The following PPFIA2 variants were observed in gnomAD, a reference collection of about 807,000 sequenced individuals.
The protein encoded by PPFIA2 is liprin-alpha-2.
Under a neutral mutation model 175.5 loss-of-function variants are expected in PPFIA2, and 46 were observed. The observed-to-expected ratio is 0.26, with a 90% CI of 0.21 to 0.34. The LOEUF is 0.34. Among genes scored for constraint, PPFIA2 ranks in the 10% least tolerant of loss-of-function variants. The probability of loss-of-function intolerance (pLI) is 1.00; values close to 1 mark genes in which losing one functional copy is unlikely to be tolerated. For synonymous variants in PPFIA2, 568 were observed against 511.4 expected (o/e 1.11, Z -1.49); for missense variants, 1,179 against 1,506.1 (o/e 0.78, Z 3.60).
Position 81,754,094 on chromosome 12 carries a change from T to G in PPFIA2, c.128A>C (p.Asp43Ala), listed in dbSNP as rs1356532037. The G allele has an allele frequency of 1.9e-6, 3 of 1,613,708 alleles. No homozygotes were observed. Among genetic ancestry groups the G allele is most frequent in the Non-Finnish European group, 2.5e-6 (3 of 1,179,864 alleles). ...CTCCCGAAGGGTGTCTAGAAGACGATCCCTTTCATCTAGCATATTCACCAT... is the reference window on the plus strand; with the variant it reads ...CTCCCGAAGGGTGTCTAGAAGACGAGCCCTTTCATCTAGCATATTCACCAT... ...QLMVNMLDER[D>A]RLLDTLRETQ... is the part of the protein sequence containing the mutation. The change falls in exon 3 of 33, where the codon GAT becomes GCT. Residue 43 changes from aspartate (D) to alanine (A), a missense_variant. Asp to Ala is a moderately radical substitution (Grantham distance 126). Transcript: ENST00000549396.
intron 4 of PPFIA2, among the ~76,000 whole-genome samples, chr12:81,583,669 C>T (rs540074161): frequency 8.6e-5 from 13 of 151,996 alleles, no homozygotes; most frequent in Non-Finnish European, 1.8e-4. Flanking sequence ...ATTACCATCA[C>T]CAATGGGTTG....
At chr12:81,335,352 C>T (rs542803156) in intron 21 of PPFIA2, among the ~76,000 whole-genome samples, 1 of 152,128 alleles carries the variant, frequency 6.6e-6, no homozygotes, top group Non-Finnish European at 1.5e-5. Context: ...AATCTATGTT[C>T]CAGGAAGTCA....
chr12:81,743,471 T>C (rs1282286976), intron 3 of PPFIA2, among the ~76,000 whole-genome samples: 2 of 60,688 alleles, frequency 3.3e-5, no homozygotes, highest in African/African-American at 6.1e-5. Context: ...GAAAGATAAA[T>C]GGTGGGGTGG....
chr12:81,470,097 A>G (rs2056461795), intron 4 of PPFIA2, among the ~76,000 whole-genome samples: 2 of 152,240 alleles, frequency 1.3e-5, no homozygotes, highest in Admixed American at 1.3e-4. Context: ...TTAATATACC[A>G]TAAAGTTAAG....
chr12:81,658,854 A>T (rs1480573120), intron 4 of PPFIA2, among the ~76,000 whole-genome samples: 3 of 152,198 alleles, frequency 2.0e-5, no homozygotes, highest in African/African-American at 7.2e-5. Context: ...TTCTATGGTT[A>T]AAATGATATT....
chr12:81,707,593 C>A lies in PPFIA2; in HGVS notation c.250-30749G>T, dbSNP rs2077351745. 3.3e-5 allele frequency among the ~76,000 whole-genome samples: 5 copies of A among 149,594 alleles called. No individual in the cohort carries two copies. The South Asian group carries it at 1.1e-3, about 33-fold the overall frequency. On this transcript the variant is annotated intron_variant, in intron 3 of 32. Coordinates refer to ENST00000549396, the MANE Select transcript of PPFIA2 (RefSeq NM_003625.5). Reference sequence around the variant, plus strand: ...TTGGTGGGACTGTAAACTAGTTCAACCATTGTGGAAGTCAGTGTGGCGATT... The same window carrying A: ...TTGGTGGGACTGTAAACTAGTTCAAACATTGTGGAAGTCAGTGTGGCGATT...
intron 8 of PPFIA2, among the ~76,000 whole-genome samples, chr12:81,386,772 A>T (rs978881686): frequency 3.3e-5 from 5 of 152,138 alleles, no homozygotes; most frequent in African/African-American, 1.2e-4. Context: ...AAAAGTATGG[A>T]GAGAAAATAC....
At chr12:81,704,273 TCATCCAAAAA>T in intron 3 of PPFIA2, among the ~76,000 whole-genome samples, 1 of 152,266 alleles carries the variant, frequency 6.6e-6, no homozygotes, top group East Asian at 1.9e-4. Flanking sequence ...AACATAATTG[TCATCCAAAAA>T]TATTATAGCT....
At chr12:81,333,119 C>T (rs1256086352) in intron 21 of PPFIA2, among the ~76,000 whole-genome samples, 1 of 152,150 alleles carries the variant, frequency 6.6e-6, no homozygotes, top group Non-Finnish European at 1.5e-5. Context: ...ACAGCTCTTC[C>T]TAGTATTTGC....
chr12:81,752,349 G>C (rs2153665189), intron 3 of PPFIA2, among the ~76,000 whole-genome samples: 1 of 152,264 alleles, frequency 6.6e-6, no homozygotes, highest in African/African-American at 2.4e-5. Context: ...TCCTCCAAGA[G>C]AGTAAGCAGG....
chr12:81,705,820 C>A (rs1325178244), intron 3 of PPFIA2, among the ~76,000 whole-genome samples: 1 of 152,090 alleles, frequency 6.6e-6, no homozygotes. Flanking sequence ...AATAGGTTCT[C>A]TTTTGTAGAA....
intron 3 of PPFIA2, among the ~76,000 whole-genome samples, chr12:81,684,954 A>G (rs546455527): frequency 2.6e-5 from 4 of 152,216 alleles, no homozygotes; most frequent in Admixed American, 6.6e-5. Context: ...AATGCTTCCA[A>G]TTAAAGGTCT....
At position 81,658,290 on chromosome 12, in the gene PPFIA2, GAAAAGA is replaced by G. The variant is rs1273494817; in HGVS notation, c.303+18495_303+18500del. Among the ~76,000 whole-genome samples, 302 of 51,758 alleles carry G rather than the reference GAAAAGA, an allele frequency of 5.8e-3. 2 individuals carry two copies. Among genetic ancestry groups the G allele is most frequent in the Middle Eastern group, 0.021 (2 of 94 alleles). 34.0% of individuals were successfully genotyped at this position (51,758 alleles called of 152,430 possible). A position where few individuals can be genotyped will look rare whatever the true frequency, so the allele number is the denominator to read the frequency against. ...TCTCAAAAAAAAAAAAAAAAGAAAAGAAAAGAAAAAAAAAAATGATTGCTAACCAAT... is the reference window on the plus strand; with the variant it reads ...TCTCAAAAAAAAAAAAAAAAGAAAAGAAAAAAAAAATGATTGCTAACCAAT... On this transcript the variant is annotated intron_variant, in intron 4 of 32. Transcript: ENST00000549396.
At chr12:81,275,567 C>A (rs1323688995) in intron 28 of PPFIA2, among the ~76,000 whole-genome samples, 1 of 152,056 alleles carries the variant, frequency 6.6e-6, no homozygotes, top group South Asian at 2.1e-4. Context: ...ACTTTCTTAT[C>A]TAAATTAAGC....
intron 5 of PPFIA2, among the ~76,000 whole-genome samples, chr12:81,449,456 A>G (rs759777621): frequency 2.0e-5 from 3 of 150,974 alleles, no homozygotes; most frequent in Non-Finnish European, 4.4e-5. Flanking sequence ...TTTTGCTTAC[A>G]GTCATGTTAT....
chr12:81,466,924 G>A (rs2055762136), intron 4 of PPFIA2, among the ~76,000 whole-genome samples: 1 of 146,802 alleles, frequency 6.8e-6, no homozygotes, highest in Non-Finnish European at 1.5e-5. Flanking sequence ...AATATTAAAT[G>A]TAATAAATAA....
rs189574215 is a variant in PPFIA2 at position 81,641,218 on chromosome 12, T to C, written c.303+35573A>G. 7.6e-4 allele frequency among the ~76,000 whole-genome samples: 115 copies of C among 152,294 alleles called. 2 individuals are homozygous for C. In the Middle Eastern group the frequency reaches 0.014, roughly 18 times the overall value. On this transcript the variant is annotated intron_variant, in intron 4 of 32. Coordinates refer to ENST00000549396, the MANE Select transcript of PPFIA2 (RefSeq NM_003625.5). ...ACTTCACCGCAAGTATTTAACCACA[T>C]AAATTTTATTATTTCTCATTAACTA...
intron 7 of PPFIA2, among the ~76,000 whole-genome samples, chr12:81,407,252 A>C (rs758853213): frequency 2.6e-5 from 4 of 152,124 alleles, no homozygotes; most frequent in Non-Finnish European, 4.4e-5. Context: ...TGGGAGGCCA[A>C]GGTGGCCAGA....
rs377547753 is a variant in PPFIA2, at chr12:81,754,165, C to T, written c.57G>A (p.Gly19=). 4.2e-5 allele frequency: 68 copies of T among 1,612,042 alleles called. No individual in the cohort carries two copies. In the African/African-American group the frequency reaches 6.5e-4, roughly 16 times the overall value. Residue 19 remains glycine, a synonymous_variant, in exon 3 of 33, where the codon GGG becomes GGA. Coordinates refer to ENST00000549396, the MANE Select transcript of PPFIA2 (RefSeq NM_003625.5). ...INEDTPMSQR[G]SQSSGSDSDS... is the part of the protein sequence containing the mutation. ...CTGAGTCCGAGCCACTGCTTTGGGA[C>T]CCCCTTTGGCTCATTGGGGTGTCCT...
Sources: allele counts gnomAD v4.1 joint callset (sites outside exome capture counted in the v4.1 genomes callset), GRCh38; gene constraint gnomAD v4.1.1; transcripts MANE v1.5; gene names NCBI Gene and HGNC (gene_info 2026-07-23, HGNC 2026-07-21).